The following RNF213 variants were observed in gnomAD, a reference collection of about 807,000 sequenced individuals.
RNF213 encodes the protein ring finger protein 213.
In RNF213, 341 loss-of-function variants were observed where a neutral mutation model predicts 514.4. The observed-to-expected ratio is 0.66, with a 90% CI of 0.61 to 0.73. The LOEUF (loss-of-function observed/expected upper bound fraction) is 0.73, where lower values mean the gene tolerates loss of function less well. Ranked by LOEUF, RNF213 falls within the 30% of genes least tolerant of loss-of-function variation. RNF213 has a pLI of 0.00. For synonymous variants in RNF213, 2,655 were observed against 2,658.2 expected (o/e 1.00, Z 0.04); for missense variants, 5,767 against 6,615.6 (o/e 0.87, Z 4.45).
intron 3 of RNF213, among the ~76,000 whole-genome samples, chr17:80,281,121 TCA>T (rs1432401132): frequency 4.1e-4 from 24 of 57,906 alleles, no homozygotes; most frequent in Admixed American, 1.1e-3. Context: ...CTCACACCAC[TCA>T]CACACACCCC....
At chr17:80,383,172 C>CA in intron 58 of RNF213, 102 bp downstream of exon 58, 2 of 804,014 alleles carry the variant, frequency 2.5e-6, no homozygotes, top group Middle Eastern at 6.7e-4. Context: ...GTAGCGGTGC[C>CA]AGCAAGAGCC....
Position 80,348,250 on chromosome 17 carries a change from C to T in RNF213, c.9915C>T (p.His3305=), listed in dbSNP as rs1844688337. The T allele has an allele frequency of 3.1e-6, 5 of 1,613,934 alleles. No homozygotes were observed. The highest frequency in any genetic ancestry group is 4.2e-6 in the Non-Finnish European group (5 of 1,180,038). ...CAGATTTCCTTCAGGCACACCTGCACACGGCAGACCTGGAGCGCCACGCCA... is the reference window on the plus strand; with the variant it reads ...CAGATTTCCTTCAGGCACACCTGCATACGGCAGACCTGGAGCGCCACGCCA... ...SFADFLQAHL[H]TADLERHAIF... The change falls in exon 29 of 68, where the codon CAC becomes CAT. Residue 3305 remains histidine, a synonymous_variant. Coordinates refer to ENST00000582970, the MANE Select transcript of RNF213 (RefSeq NM_001256071.3).
chr17:80,283,941 T>C (rs1248868459), intron 3 of RNF213, among the ~76,000 whole-genome samples: 1 of 152,180 alleles, frequency 6.6e-6, no homozygotes, highest in Admixed American at 6.5e-5. Context: ...CTTTGGGTAA[T>C]GGCCAGGCAC....
In RNF213 at chr17:80,367,754, C is replaced by T. The variant is rs564531942; in HGVS notation, c.11878C>T (p.Arg3960Ter). 6.8e-6 allele frequency: 11 copies of T among 1,613,820 alleles called. No homozygotes were observed. Among genetic ancestry groups the T allele is most frequent in the South Asian group, 1.1e-5 (1 of 91,076 alleles). ...TGTCCCTGCCTTTCTTCAGTGTCTT[C>T]GAGAGAACTCTGACGTGAAGACGCA... ...EHVFLLDKCL[R>*]ENSDVKTHGP... The change falls in exon 43 of 68, where the codon CGA (arginine) becomes TGA (stop). Residue 3960 changes from arginine to a stop codon, truncating the protein, a stop_gained. Coordinates refer to ENST00000582970, the MANE Select transcript of RNF213 (RefSeq NM_001256071.3). LOFTEE classifies it high-confidence loss of function.
chr17:80,377,556 T>C lies in RNF213; in HGVS notation c.13511-206T>C. On this transcript the variant is annotated intron_variant, in intron 53 of 67. Transcript: ENST00000582970. This position sits in a 1 kb window ranked among gnomAD's most constrained non-coding sequence, Gnocchi z 4.1. ...TCTTTACTTGATAAAATTAATAAAA[T>C]TAGACTCAGACATTTTTCACTGACA... The C allele has an allele frequency of 1.5e-6, 1 of 651,334 alleles. No homozygotes were observed. Among genetic ancestry groups the C allele is most frequent in the East Asian group, 2.8e-5 (1 of 35,948 alleles). The allele number at this position is 651,334 out of a possible 1,614,324, so 40.3% of individuals were successfully genotyped here. A position where few individuals can be genotyped will look rare whatever the true frequency, so the allele number is the denominator to read the frequency against.
rs1568113117 is a variant in RNF213 at position 80,350,342 on chromosome 17, T to G, written c.10130T>G (p.Phe3377Cys). The change falls in exon 31 of 68, where the codon TTT becomes TGT. Residue 3377 changes from phenylalanine to cysteine, a missense_variant. Physicochemically the swap from Phe to Cys is radical, Grantham distance 205 (BLOSUM62 -2). Coordinates refer to ENST00000582970, the MANE Select transcript of RNF213 (RefSeq NM_001256071.3). ...ACAGCCAAATGTAAAATCCTCATTTTTCAGACAGATTTTGAAGATGGAATC... is the reference window on the plus strand; with the variant it reads ...ACAGCCAAATGTAAAATCCTCATTTGTCAGACAGATTTTGAAGATGGAATC... ...TNTAKCKILIFQTDFEDGIRS... is the reference protein window; with the variant it reads ...TNTAKCKILICQTDFEDGIRS... 1 of 1,612,212 alleles carries G rather than the reference T, an allele frequency of 6.2e-7. No homozygotes were observed. The highest frequency in any genetic ancestry group is 1.7e-5 in the Admixed American group (1 of 60,030).
rs763976631 is a variant in RNF213, at chr17:80,298,445, A to G, written c.2137A>G (p.Arg713Gly). The change falls in exon 11 of 68, where the codon AGA becomes GGA. Residue 713 changes from arginine (R) to glycine (G), a missense_variant. By Grantham distance (125) the Arg-to-Gly change is moderately radical. Around this residue, in one of 13 missense-constraint regions of RNF213, gnomAD observed 592 missense variants for 673.9 expected, o/e 0.88. Coordinates refer to ENST00000582970, the MANE Select transcript of RNF213 (RefSeq NM_001256071.3). ...ELAPRHKDAW[R>G]QPEDTWAALE... ...GGCCCCGCGGCACAAGGATGCCTGGAGACAGCCTGAGGACACCTGGGCCGC... is the reference window on the plus strand; with the variant it reads ...GGCCCCGCGGCACAAGGATGCCTGGGGACAGCCTGAGGACACCTGGGCCGC... 2 of 1,614,170 alleles carry G rather than the reference A, an allele frequency of 1.2e-6. No individual in the cohort carries two copies. The highest frequency in any genetic ancestry group is 8.5e-7 in the Non-Finnish European group (1 of 1,180,040).
chr17:80,328,900 C>T lies in RNF213; in HGVS notation c.3517+423C>T, dbSNP rs564513706. Reference sequence around the variant, plus strand: ...ACAAGTGAACCACGAAAGAAACCGTCATCATTTTACAATTTTTGCACAAAC... The same window carrying T: ...ACAAGTGAACCACGAAAGAAACCGTTATCATTTTACAATTTTTGCACAAAC... On this transcript the variant is annotated intron_variant, in intron 20 of 67. Coordinates refer to ENST00000582970, the MANE Select transcript of RNF213 (RefSeq NM_001256071.3). 3.9e-5 allele frequency among the ~76,000 whole-genome samples: 6 copies of T among 152,364 alleles called. No homozygotes were observed. The South Asian group carries it at 1.2e-3, about 32-fold the overall frequency.
In RNF213 at chr17:80,317,064, C is replaced by A; in HGVS notation, c.2812-124C>A. 1 of 1,030,392 alleles carries A rather than the reference C, an allele frequency of 9.7e-7. No individual in the cohort carries two copies. Among genetic ancestry groups the A allele is most frequent in the South Asian group, 1.4e-5 (1 of 73,250 alleles). The allele number at this position is 1,030,392 out of a possible 1,614,324, so 63.8% of individuals were successfully genotyped here. On this transcript the variant is annotated intron_variant, in intron 15 of 67. Coordinates refer to ENST00000582970, the MANE Select transcript of RNF213 (RefSeq NM_001256071.3). This position sits in a 1 kb window ranked among gnomAD's most constrained non-coding sequence, Gnocchi z 4.1. Reference sequence around the variant, plus strand: ...GACTGTTGATGAAGGTTGGGGAGAGCCCTGGTGTTCGCGGAGTCCCGCGCT... The same window carrying A: ...GACTGTTGATGAAGGTTGGGGAGAGACCTGGTGTTCGCGGAGTCCCGCGCT...
chr17:80,336,869 C>T (rs2078001460), intron 23 of RNF213: 1 of 225,926 alleles, frequency 4.4e-6, no homozygotes, highest in African/African-American at 2.3e-5. Context: ...CCACTGTACT[C>T]CAGCCTGAGT....
chr17:80,300,021 C>T (rs1381863655), intron 11 of RNF213, among the ~76,000 whole-genome samples: 4 of 152,168 alleles, frequency 2.6e-5, no homozygotes, highest in African/African-American at 4.8e-5. Context: ...CTTCAATGAA[C>T]ATACATGGGC....
Position 80,358,294 on chromosome 17 carries a change from C to G in RNF213, c.10869C>G (p.Thr3623=), listed in dbSNP as rs760707307. The change falls in exon 37 of 68, where the codon ACC becomes ACG. Residue 3623 remains threonine, a synonymous_variant. Transcript: ENST00000582970. Reference sequence around the variant, plus strand: ...TCTCTCTTCTGTGCTGCAGGCACACCCTCTGGAAGCGGGTCCAAGGTGCTG... The same window carrying G: ...TCTCTCTTCTGTGCTGCAGGCACACGCTCTGGAAGCGGGTCCAAGGTGCTG... ...ALQEAGTFRH[T]LWKRVQGAVT... The G allele has an allele frequency of 5.0e-6, 8 of 1,613,898 alleles. No individual in the cohort carries two copies. In the South Asian group the frequency reaches 7.7e-5, roughly 16 times the overall value.
intron 9 of RNF213, 79 bp from the exon 10 acceptor site, chr17:80,295,478 G>A: frequency 6.4e-7 from 1 of 1,567,800 alleles, no homozygotes; most frequent in South Asian, 1.1e-5. Flanking sequence ...TGCCCTAGCT[G>A]TGGTGCTGGG....
In RNF213 at chr17:80,354,579, A is replaced by G. The variant is rs753707562; in HGVS notation, c.10862+3A>G. ...CTCCAGGAGGCGGGCACATTCAGGTACTGTGACTAAAGGAAGCAAGGAGTG... is the reference window on the plus strand; with the variant it reads ...CTCCAGGAGGCGGGCACATTCAGGTGCTGTGACTAAAGGAAGCAAGGAGTG... On this transcript the variant is annotated splice_donor_region_variant and intron_variant, in intron 36 of 67. Transcript: ENST00000582970. 1 of 1,614,170 alleles carries G rather than the reference A, an allele frequency of 6.2e-7. No homozygotes were observed. Among genetic ancestry groups the G allele is most frequent in the South Asian group, 1.1e-5 (1 of 91,086 alleles).
Position 80,384,985 on chromosome 17 carries a change from A to G in RNF213, c.14323-54A>G, listed in dbSNP as rs1022955042. ...GCCAGTCTCAAAGTCTGTAACCCCA[A>G]TAACATTTTTTAGGTAAATAAAAAT... is the stretch of plus-strand genomic sequence containing the variant. On this transcript the variant is annotated intron_variant, in intron 59 of 67. Coordinates refer to ENST00000582970, the MANE Select transcript of RNF213 (RefSeq NM_001256071.3). 7.5e-6 allele frequency: 12 copies of G among 1,598,352 alleles called. No individual in the cohort carries two copies. The Admixed American group carries it at 1.2e-4, about 16-fold the overall frequency.
At position 80,346,849 on chromosome 17, in the gene RNF213, C is replaced by T. The variant is rs956793461; in HGVS notation, c.8514C>T (p.Val2838=). The change falls in exon 29 of 68, where the codon GTC becomes GTT. Residue 2838 remains valine (V), a synonymous_variant. Transcript: ENST00000582970. The surrounding 1 kb of genome is among the most constrained non-coding windows in gnomAD (Gnocchi z 8.1). ...FQQGKDLQQY[V]SVVVLDEVGL... is the part of the protein sequence containing the mutation. ...AGGGGAAGGACCTGCAGCAGTACGT[C>T]TCTGTGGTGGTGTTAGATGAGGTGG... 1 of 1,614,156 alleles carries T rather than the reference C, an allele frequency of 6.2e-7. No individual in the cohort carries two copies. The highest frequency in any genetic ancestry group is 8.5e-7 in the Non-Finnish European group (1 of 1,180,014).
intron 6 of RNF213, 98 bp from the exon 7 acceptor site, chr17:80,290,472 C>CGTGTGTGTGCGCACGTGT: frequency 1.4e-6 from 2 of 1,433,542 alleles, no homozygotes; most frequent in East Asian, 4.6e-5. Context: ...TGTGTGTGCA[C>CGTGTGTGTGCGCACGTGT]GTGTGTGTGC....
In RNF213 at chr17:80,263,376, C is replaced by A. The variant is rs992803766; in HGVS notation, c.-108-198C>A. Among the ~76,000 whole-genome samples the A allele has an allele frequency of 6.6e-6, 1 of 152,134 alleles. No individual in the cohort carries two copies. The highest frequency in any genetic ancestry group is 1.5e-5 in the Non-Finnish European group (1 of 68,012). On this transcript the variant is annotated intron_variant, in intron 1 of 67. Coordinates refer to ENST00000582970, the MANE Select transcript of RNF213 (RefSeq NM_001256071.3). The surrounding 1 kb of genome is among the most constrained non-coding windows in gnomAD (Gnocchi z 4.9). The stretch of plus-strand genomic sequence containing the variant: ...CACGCCTGCCTGGAGCATCCCCTAT[C>A]CCCACCCAGCCCAACCCATGTTCTC...
chr17:80,347,280 C>T lies in RNF213; in HGVS notation c.8945C>T (p.Ala2982Val). Residue 2982 changes from alanine (A) to valine (V), a missense_variant, in exon 29 of 68, where the codon GCT (alanine) becomes GTT (valine). By Grantham distance (64) the Ala-to-Val change is moderately conservative (BLOSUM62 0). Coordinates refer to ENST00000582970, the MANE Select transcript of RNF213 (RefSeq NM_001256071.3). This position sits in a 1 kb window ranked among gnomAD's most constrained non-coding sequence, Gnocchi z 7.2. The stretch of plus-strand genomic sequence containing the variant: ...CCTTCCCCGCAAGACATTGCACAGG[C>T]TGTCCTTAGGAACTTCAGTGGCAAG... Reference protein sequence around the residue: ...RKPSPQDIAQAVLRNFSGKDD... With the variant: ...RKPSPQDIAQVVLRNFSGKDD... 1.9e-6 allele frequency: 3 copies of T among 1,613,846 alleles called. No individual in the cohort carries two copies. The highest frequency in any genetic ancestry group is 2.2e-5 in the South Asian group (2 of 91,016).
Sources: gnomAD v4.1 joint callset for allele counts (sites outside exome capture counted in the v4.1 genomes callset) on GRCh38, gnomAD v4.1.1 for gene constraint, gnomAD v4.1.1 regional missense constraint, Gnocchi (gnomAD v3.1) non-coding constraint, MANE v1.5 for transcripts, NCBI Gene and HGNC (gene_info 2026-07-23, HGNC 2026-07-21) for gene names.